DNAH11: variants seen among roughly 807,000 people sequenced by gnomAD.
DNAH11 encodes axonemal beta dynein heavy chain 11.
Under a neutral mutation model 526.0 loss-of-function variants are expected in DNAH11, and 442 were observed. The ratio of observed to expected loss-of-function variants is 0.84; its 90% CI spans 0.78 to 0.91. DNAH11 has a LOEUF of 0.91. Ranked by LOEUF, DNAH11 falls within the 40% of genes least tolerant of loss-of-function variation. The probability of loss-of-function intolerance (pLI) is 0.00; values close to 1 mark genes in which losing one functional copy is unlikely to be tolerated. For missense variants in DNAH11, 6,989 were observed against 5,448.7 expected, an observed-to-expected ratio of 1.28 and a Z score of -8.90; for synonymous variants, 2,461 against 1,935.9, an observed-to-expected ratio of 1.27 and a Z score of -7.12.
intron 51 of DNAH11, among the ~76,000 whole-genome samples, chr7:21,747,569 G>T (rs1298802986): frequency 2.0e-5 from 3 of 152,114 alleles, no homozygotes; most frequent in African/African-American, 7.2e-5. Context: ...TAAAGTTAAA[G>T]CGAGTTTATT....
rs1051629772 is a variant in DNAH11 at position 21,868,782 on chromosome 7, T to C, written c.11840-82T>C. On this transcript the variant is annotated intron_variant, in intron 72 of 81. Transcript: ENST00000409508. ...AGAAGATGGCTGCGGTGACCACAGATGTGCATTAGACCACAGAATTCCAGG... is the reference window on the plus strand; with the variant it reads ...AGAAGATGGCTGCGGTGACCACAGACGTGCATTAGACCACAGAATTCCAGG... 7.1e-6 allele frequency: 11 copies of C among 1,551,972 alleles called. No homozygotes were observed. The Admixed American group carries it at 1.8e-4, about 25-fold the overall frequency.
intron 43 of DNAH11, among the ~76,000 whole-genome samples, chr7:21,720,303 C>G (rs747412254): frequency 2.6e-5 from 4 of 152,128 alleles, no homozygotes; most frequent in Non-Finnish European, 5.9e-5. Context: ...TGCATCCATT[C>G]CAGTGGTGGT....
chr7:21,827,983 C>G (rs1790382385), intron 65 of DNAH11, among the ~76,000 whole-genome samples: 1 of 150,772 alleles, frequency 6.6e-6, no homozygotes, highest in South Asian at 2.1e-4. Context: ...GAGTCTTGCT[C>G]TGTCGCCCAG....
chr7:21,720,855 A>C lies in DNAH11; in HGVS notation c.7265A>C (p.Gln2422Pro). The stretch of plus-strand genomic sequence containing the variant: ...TTTGGAGGCACCCTGCTACAAGATC[A>C]GGTATGTTTAGAAATAGTTTACAGG... Reference protein sequence around the residue: ...WAFGGTLLQDQISDYQADFSR... With the variant: ...WAFGGTLLQDPISDYQADFSR... The change falls in exon 44 of 82, where the codon CAG (glutamine) becomes CCG (proline). Residue 2422 changes from glutamine (Q) to proline (P), a missense_variant and splice_region_variant. By Grantham distance (76) the Gln-to-Pro change is moderately conservative. Transcript: ENST00000409508. The C allele has an allele frequency of 6.2e-7, 1 of 1,611,728 alleles. No homozygotes were observed. Among genetic ancestry groups the C allele is most frequent in the Non-Finnish European group, 8.5e-7 (1 of 1,178,854 alleles).
chr7:21,782,501 A>G (rs1787990957), intron 57 of DNAH11, among the ~76,000 whole-genome samples: 2 of 152,242 alleles, frequency 1.3e-5, no homozygotes, highest in South Asian at 4.1e-4. Context: ...GTTCATTTGT[A>G]TAAGTGAGTT....
intron 28 of DNAH11, among the ~76,000 whole-genome samples, chr7:21,652,058 A>G (rs572181907): frequency 1.3e-5 from 2 of 152,384 alleles, no homozygotes; most frequent in South Asian, 4.1e-4. Context: ...ATGAAAATTG[A>G]TAATGCTAGA....
At position 21,710,658 on chromosome 7, in the gene DNAH11, C is replaced by T. The variant is rs1784430399; in HGVS notation, c.6789C>T (p.Asp2263=). ...GGATAGTCCTGGATGGCGATATTGA[C>T]CCCATGTGGATTGAATCACTGAATA... ...PKWIVLDGDI[D]PMWIESLNTV... The change falls in exon 41 of 82, where the codon GAC becomes GAT. Residue 2263 remains aspartate (D), a synonymous_variant. Coordinates refer to ENST00000409508, the MANE Select transcript of DNAH11 (RefSeq NM_001277115.2). 1 of 1,613,022 alleles carries T rather than the reference C, an allele frequency of 6.2e-7. No individual in the cohort carries two copies. The highest frequency in any genetic ancestry group is 1.7e-5 in the Admixed American group (1 of 59,874).
chr7:21,846,243 A>G (rs1782413020), intron 66 of DNAH11, among the ~76,000 whole-genome samples: 1 of 152,050 alleles, frequency 6.6e-6, no homozygotes, highest in Non-Finnish European at 1.5e-5. Flanking sequence ...GTCTTAAGGC[A>G]TTAGTTAGGA....
In DNAH11 at chr7:21,720,544, C is replaced by T. The variant is rs1430768675; in HGVS notation, c.7135-181C>T. 2.0e-5 allele frequency among the ~76,000 whole-genome samples: 3 copies of T among 151,656 alleles called. No individual in the cohort carries two copies. In the East Asian group the frequency reaches 5.8e-4, roughly 29 times the overall value. ...CCTAGATCATTTTGGTTGAAAGTGA[C>T]AAGTTTTCTACTGTTAACTTAGACA... On this transcript the variant is annotated intron_variant, in intron 43 of 81. Transcript: ENST00000409508.
intron 67 of DNAH11, among the ~76,000 whole-genome samples, chr7:21,853,390 C>T (rs1236361407): frequency 6.6e-6 from 1 of 152,116 alleles, no homozygotes; most frequent in African/African-American, 2.4e-5. Context: ...AAATGGAATC[C>T]CAAATTACTC....
chr7:21,616,188 T>G (rs761477667), intron 21 of DNAH11, 21 bp from the exon 22 acceptor site: 1 of 1,603,586 alleles, frequency 6.2e-7, no homozygotes, highest in East Asian at 2.2e-5. Flanking sequence ...TTGACACTTT[T>G]ATCTGCTTTT....
chr7:21,842,114 T>C (rs1210007612), intron 65 of DNAH11, among the ~76,000 whole-genome samples: 6 of 152,226 alleles, frequency 3.9e-5, no homozygotes, highest in African/African-American at 1.4e-4. Context: ...ACCAGGAACA[T>C]GCCATAGGAA....
chr7:21,892,487 C>T lies in DNAH11; in HGVS notation c.12570C>T (p.Gly4190=). Residue 4190 remains glycine (G), a synonymous_variant, in exon 77 of 82, where the codon GGC becomes GGT. Transcript: ENST00000409508. ...CCCCACCCTACCTAGATTATGCAGG[C>T]TACCACCAGTACATAGAGGAGATGC... The part of the protein sequence containing the change: ...FAAPPYLDYA[G]YHQYIEEMLP... The T allele has an allele frequency of 6.2e-7, 1 of 1,613,968 alleles. No individual in the cohort carries two copies. Among genetic ancestry groups the T allele is most frequent in the South Asian group, 1.1e-5 (1 of 91,084 alleles).
At chr7:21,612,768 A>G (rs940499449) in intron 20 of DNAH11, among the ~76,000 whole-genome samples, 2 of 152,184 alleles carry the variant, frequency 1.3e-5, no homozygotes, top group South Asian at 2.1e-4. Flanking sequence ...TCACGTACAT[A>G]TAGATACAAA....
chr7:21,676,207 C>T (rs1280991796), intron 30 of DNAH11, among the ~76,000 whole-genome samples: 1 of 152,118 alleles, frequency 6.6e-6, no homozygotes, highest in African/African-American at 2.4e-5. Context: ...CTAATGAAGC[C>T]AAGATGTCCC....
chr7:21,788,182 G>A (rs1788276784), intron 60 of DNAH11, among the ~76,000 whole-genome samples: 1 of 152,102 alleles, frequency 6.6e-6, no homozygotes, highest in Admixed American at 6.6e-5. Flanking sequence ...ATCTAATAAG[G>A]GAACAATGCA....
chr7:21,728,289 A>G (rs1228630336), intron 45 of DNAH11, among the ~76,000 whole-genome samples: 1 of 100,294 alleles, frequency 1.0e-5, no homozygotes, highest in African/African-American at 4.2e-5. Flanking sequence ...ACAGAGTCTT[A>G]CTCTGTTGCC....
At chr7:21,788,984 A>T (rs1405372817) in intron 60 of DNAH11, among the ~76,000 whole-genome samples, 1 of 152,136 alleles carries the variant, frequency 6.6e-6, no homozygotes, top group Non-Finnish European at 1.5e-5. Flanking sequence ...GCCTTTAGGT[A>T]TTACCATGTC....
intron 77 of DNAH11, among the ~76,000 whole-genome samples, chr7:21,893,001 T>C (rs1471747410): frequency 6.6e-6 from 1 of 152,246 alleles, no homozygotes; most frequent in South Asian, 2.1e-4. Flanking sequence ...GATTCATCCA[T>C]GTTGTTCATG....
Sources: gnomAD v4.1 joint callset for allele counts (sites outside exome capture counted in the v4.1 genomes callset) on GRCh38, gnomAD v4.1.1 for gene constraint, MANE v1.5 for transcripts, NCBI Gene and HGNC (gene_info 2026-07-23, HGNC 2026-07-21) for gene names.